DPP10: variants seen among roughly 807,000 people sequenced by gnomAD.
The protein encoded by DPP10 is dipeptidyl peptidase like 10.
DPP10 carries 33 observed loss-of-function variants against 120.9 expected under a neutral mutation model. That is an observed-to-expected ratio of 0.27 (90% CI 0.21 to 0.37). The LOEUF is 0.37. Among genes scored for constraint, DPP10 ranks in the 10% least tolerant of loss-of-function variants. The pLI is 1.00. For synonymous variants in DPP10, 337 were observed against 326.1 expected (o/e 1.03, Z -0.36); for missense variants, 816 against 942.8 (o/e 0.87, Z 1.76).
At chr2:115,689,094 A>G (rs985788260) in intron 5 of DPP10, among the ~76,000 whole-genome samples, 1 of 152,228 alleles carries the variant, frequency 6.6e-6, no homozygotes, top group East Asian at 1.9e-4. Context: ...CAAAATGTTT[A>G]TATAGTTTCA....
intron 5 of DPP10, among the ~76,000 whole-genome samples, chr2:115,527,004 A>G (rs2078170563): frequency 1.3e-5 from 2 of 152,132 alleles, no homozygotes; most frequent in African/African-American, 2.4e-5. Flanking sequence ...TTATAGTAAG[A>G]AAAATACTTG....
At chr2:114,591,416 A>G (rs1691449720) in intron 1 of DPP10, among the ~76,000 whole-genome samples, 1 of 152,206 alleles carries the variant, frequency 6.6e-6, no homozygotes, top group African/African-American at 2.4e-5. Context: ...GTCTTTGGTC[A>G]GCATCTTTGT....
Position 115,508,595 on chromosome 2 carries a change from G to A in DPP10, c.366+8991G>A, listed in dbSNP as rs114201065. ...GCTGTATCTGTTTTAAATAAGTCAC[G>A]GAAAGCTTTCCTAAAGAAATGAAGA... On this transcript the variant is annotated intron_variant, in intron 4 of 25. Coordinates refer to ENST00000410059, the MANE Select transcript of DPP10 (RefSeq NM_020868.6). Among the ~76,000 whole-genome samples, 1,437 of 152,184 alleles carry A rather than the reference G, an allele frequency of 9.4e-3. 8 individuals carry two copies. The highest frequency in any genetic ancestry group is 0.014 in the African/African-American group (578 of 41,548).
chr2:114,977,805 C>G (rs1420110974), intron 1 of DPP10, among the ~76,000 whole-genome samples: 2 of 151,074 alleles, frequency 1.3e-5, no homozygotes, highest in African/African-American at 4.9e-5. Context: ...AACTCCTCTT[C>G]TTTCCTCGAT....
intron 5 of DPP10, among the ~76,000 whole-genome samples, chr2:115,637,128 CAG>C (rs2086402619): frequency 6.7e-6 from 1 of 150,324 alleles, no homozygotes; most frequent in African/African-American, 2.4e-5. Flanking sequence ...ATAATGTAAA[CAG>C]AAAAAAAAAT....
Position 115,106,765 on chromosome 2 carries a change from G to GTGTT in DPP10, c.61-202471_61-202470insTTGT, listed in dbSNP as rs550749658. 2.6e-3 allele frequency among the ~76,000 whole-genome samples: 391 copies of GTGTT among 152,174 alleles called. 2 individuals carry two copies. The highest frequency in any genetic ancestry group is 9.1e-3 in the African/African-American group (380 of 41,542). ...CCTGAGCCACTGCACCCAGCCTGAT[G>GTGTT]TGTACTCTCTTAAAACGTTCTTAAA... On this transcript the variant is annotated intron_variant, in intron 1 of 25. Coordinates refer to ENST00000410059, the MANE Select transcript of DPP10 (RefSeq NM_020868.6).
intron 1 of DPP10, among the ~76,000 whole-genome samples, chr2:115,270,351 G>A (rs1302013504): frequency 6.6e-6 from 1 of 152,018 alleles, no homozygotes; most frequent in Non-Finnish European, 1.5e-5. Flanking sequence ...GAAGCAGGGG[G>A]CAAGGTTGCA....
chr2:114,528,835 T>G (rs891156602), intron 1 of DPP10, among the ~76,000 whole-genome samples: 7 of 152,034 alleles, frequency 4.6e-5, no homozygotes, highest in African/African-American at 1.4e-4. Context: ...TCCTGATTCA[T>G]CATCAAAGCC....
At chr2:115,480,812 G>T (rs779025031) in intron 3 of DPP10, among the ~76,000 whole-genome samples, 33 of 152,186 alleles carry the variant, frequency 2.2e-4, no homozygotes, top group Middle Eastern at 3.4e-3. Context: ...CGAAAAAAAT[G>T]GTGAAATAAA....
intron 3 of DPP10, among the ~76,000 whole-genome samples, chr2:115,394,906 G>A (rs1325148137): frequency 6.6e-6 from 1 of 152,196 alleles, no homozygotes; most frequent in Non-Finnish European, 1.5e-5. Flanking sequence ...ACGCTATCAG[G>A]AGTTGAGGGT....
chr2:115,421,638 C>T (rs1057407665), intron 3 of DPP10, among the ~76,000 whole-genome samples: 6 of 151,768 alleles, frequency 4.0e-5, no homozygotes, highest in African/African-American at 7.3e-5. Context: ...TTTGAGAAGC[C>T]GAGGCAGGCG....
chr2:114,456,527 G>T (rs1031944427), intron 1 of DPP10, among the ~76,000 whole-genome samples: 4 of 152,062 alleles, frequency 2.6e-5, no homozygotes, highest in African/African-American at 9.7e-5. Flanking sequence ...TTTTTGTGTT[G>T]AATGTCAACC....
At chr2:115,501,351 C>A (rs533361700) in intron 4 of DPP10, among the ~76,000 whole-genome samples, 2 of 152,078 alleles carry the variant, frequency 1.3e-5, no homozygotes, top group African/African-American at 4.8e-5. Flanking sequence ...ATTATTATTC[C>A]ATTATCTCAA....
intron 1 of DPP10, among the ~76,000 whole-genome samples, chr2:114,500,085 T>C (rs1037977026): frequency 1.3e-5 from 2 of 152,254 alleles, no homozygotes; most frequent in Non-Finnish European, 1.5e-5. Context: ...ATTTTCTCAT[T>C]TCTATCGTGG....
intron 1 of DPP10, among the ~76,000 whole-genome samples, chr2:114,716,921 A>G (rs1444399018): frequency 2.6e-5 from 4 of 152,198 alleles, no homozygotes; most frequent in Non-Finnish European, 5.9e-5. Context: ...ACAATGGCAC[A>G]ACTATCACAT....
Position 114,624,628 on chromosome 2 carries a change from G to A in DPP10, c.60+181790G>A, listed in dbSNP as rs539933976. On this transcript the variant is annotated intron_variant, in intron 1 of 25. Coordinates refer to ENST00000410059, the MANE Select transcript of DPP10 (RefSeq NM_020868.6). ...CCCATCATGTGGCAGGCACTCTGTG[G>A]TGCTTTTCTATATATATGGTGATAA... 4.6e-5 allele frequency among the ~76,000 whole-genome samples: 7 copies of A among 151,932 alleles called. No individual in the cohort carries two copies. The East Asian group carries it at 1.4e-3, about 29-fold the overall frequency.
At chr2:115,480,927 A>G (rs1175627311) in intron 3 of DPP10, among the ~76,000 whole-genome samples, 1 of 152,162 alleles carries the variant, frequency 6.6e-6, no homozygotes, top group Admixed American at 6.6e-5. Flanking sequence ...TTAGGTCCAG[A>G]TCTTTAGCTC....
chr2:115,158,084 T>C (rs186658262), intron 1 of DPP10, among the ~76,000 whole-genome samples: 15 of 152,374 alleles, frequency 9.8e-5, no homozygotes, highest in African/African-American at 3.6e-4. Flanking sequence ...ACATATCAGC[T>C]GTTAGCTAGA....
At chr2:115,057,704 A>G (rs1024829486) in intron 1 of DPP10, among the ~76,000 whole-genome samples, 35 of 152,330 alleles carry the variant, frequency 2.3e-4, no homozygotes, top group African/African-American at 8.4e-4. Context: ...ATGACTTCAA[A>G]GAGCTTCTCT....
Sources: gnomAD v4.1 joint callset for allele counts (sites outside exome capture counted in the v4.1 genomes callset) on GRCh38, gnomAD v4.1.1 for gene constraint, MANE v1.5 for transcripts, NCBI Gene and HGNC (gene_info 2026-07-23, HGNC 2026-07-21) for gene names.